The following SLC35F4 variants were observed in gnomAD, a reference collection of about 807,000 sequenced individuals.
SLC35F4 encodes chromosome 14 open reading frame 36.
In SLC35F4, 24 loss-of-function variants were observed where a neutral mutation model predicts 44.2. That is an observed-to-expected ratio of 0.54 (90% confidence interval 0.39 to 0.76). The LOEUF is 0.76. SLC35F4 is among the 30% of genes least tolerant of loss of function. The pLI is 0.00. For synonymous variants in SLC35F4, 238 were observed against 223.6 expected (o/e 1.06, Z -0.57); for missense variants, 562 against 586.1 (o/e 0.96, Z 0.42).
At chr14:57,855,354 C>T (rs1178809142) in intron 1 of SLC35F4, among the ~76,000 whole-genome samples, 1 of 151,910 alleles carries the variant, frequency 6.6e-6, no homozygotes, top group African/African-American at 2.4e-5. Context: ...AAAAAACAAA[C>T]AAACCCATCA....
chr14:57,740,063 T>G (rs1189147227), intron 1 of SLC35F4, among the ~76,000 whole-genome samples: 2 of 152,180 alleles, frequency 1.3e-5, no homozygotes, highest in Non-Finnish European at 2.9e-5. Flanking sequence ...TTTCGTCATG[T>G]TGGCCGGGCT....
At chr14:57,760,514 A>C (rs2077099245) in intron 1 of SLC35F4, among the ~76,000 whole-genome samples, 1 of 152,168 alleles carries the variant, frequency 6.6e-6, no homozygotes, top group African/African-American at 2.4e-5. Flanking sequence ...TTTCCATACA[A>C]ATTTTATAAT....
chr14:57,630,312 T>A (rs1240758453), intron 1 of SLC35F4: 1 of 574,968 alleles, frequency 1.7e-6, no homozygotes, highest in African/African-American at 1.9e-5. Context: ...TGATTACAAC[T>A]ATAGAAGGTC....
At chr14:57,955,164 T>A (rs1296788328) in intron 1 of SLC35F4, among the ~76,000 whole-genome samples, 1 of 151,888 alleles carries the variant, frequency 6.6e-6, no homozygotes, top group Non-Finnish European at 1.5e-5. Context: ...ACATAATCCA[T>A]CACATAAACA....
At chr14:57,689,744 G>A (rs1353211455) in intron 1 of SLC35F4, among the ~76,000 whole-genome samples, 1 of 136,020 alleles carries the variant, frequency 7.4e-6, no homozygotes, top group Non-Finnish European at 1.6e-5. Context: ...TTGTGGGGTC[G>A]GGGGAGGGGG....
In SLC35F4 at chr14:57,893,301, C is replaced by T. The variant is rs10133937; in HGVS notation, n.282+88612G>A. The stretch of plus-strand genomic sequence containing the variant: ...TTTATCTATGGAAAAATAACAATAG[C>T]TATCATACATTAAGCATGTACTATC... On this transcript the variant is annotated intron_variant and non_coding_transcript_variant, in intron 1 of 1. Transcript: ENST00000556568. Among the ~76,000 whole-genome samples, 644 of 152,258 alleles carry T rather than the reference C, an allele frequency of 4.2e-3. 4 individuals are homozygous for T. Among genetic ancestry groups the T allele is most frequent in the African/African-American group, 0.015 (617 of 41,540 alleles).
intron 1 of SLC35F4, among the ~76,000 whole-genome samples, chr14:57,817,968 G>A (rs1882787223): frequency 6.6e-6 from 1 of 152,108 alleles, no homozygotes; most frequent in Non-Finnish European, 1.5e-5. Flanking sequence ...GAATGCACAG[G>A]TGAGAGGCAT....
At chr14:57,979,484 G>A (rs1881314957) in intron 1 of SLC35F4, among the ~76,000 whole-genome samples, 1 of 152,196 alleles carries the variant, frequency 6.6e-6, no homozygotes, top group South Asian at 2.1e-4. Flanking sequence ...CAACCTGGTA[G>A]TGCCTTGTCT....
At chr14:57,589,012 A>C (rs1412071242) in intron 3 of SLC35F4, among the ~76,000 whole-genome samples, 1 of 152,192 alleles carries the variant, frequency 6.6e-6, no homozygotes, top group Non-Finnish European at 1.5e-5. Flanking sequence ...ATGCAAAAGC[A>C]CCAGTACAGT....
rs898180936 is a variant in SLC35F4 at position 57,873,744 on chromosome 14, C to T, written n.282+108169G>A. On this transcript the variant is annotated intron_variant and non_coding_transcript_variant, in intron 1 of 1. Transcript: ENST00000556568. ...TAATATTAAAGTGAATACAAACACA[C>T]ACACACACACACATGACAAACCCTG... Among the ~76,000 whole-genome samples, 3 of 152,082 alleles carry T rather than the reference C, an allele frequency of 2.0e-5. No homozygotes were observed. In the East Asian group the frequency reaches 5.8e-4, roughly 29 times the overall value.
chr14:57,833,621 T>C (rs1341720012), intron 1 of SLC35F4, among the ~76,000 whole-genome samples: 1 of 152,162 alleles, frequency 6.6e-6, no homozygotes. Flanking sequence ...CATAAATCTA[T>C]CCACAACATC....
chr14:57,944,866 A>T (rs931233868), intron 1 of SLC35F4, among the ~76,000 whole-genome samples: 1 of 152,208 alleles, frequency 6.6e-6, no homozygotes, highest in Non-Finnish European at 1.5e-5. Context: ...TAAATGCCTG[A>T]TAATCACAAA....
intron 1 of SLC35F4, among the ~76,000 whole-genome samples, chr14:57,692,568 T>G (rs541101926): frequency 2.0e-5 from 3 of 152,276 alleles, no homozygotes; most frequent in African/African-American, 4.8e-5. Flanking sequence ...TTTCAAGAGA[T>G]TCCCTGGCAC....
intron 1 of SLC35F4, 148 bp downstream of exon 1, chr14:57,865,575 G>T: frequency 3.3e-6 from 2 of 598,190 alleles, no homozygotes; most frequent in Non-Finnish European, 5.5e-6. Context: ...CTCCCCGGGG[G>T]GTCCCCGCCG....
At chr14:57,583,689 TTCCCCTTCTC>T (rs1338206576) in intron 3 of SLC35F4, among the ~76,000 whole-genome samples, 2 of 152,146 alleles carry the variant, frequency 1.3e-5, no homozygotes, top group African/African-American at 4.8e-5. Flanking sequence ...TCCCCTTTCT[TTCCCCTTCTC>T]TCACTGCCGA....
intron 1 of SLC35F4, among the ~76,000 whole-genome samples, chr14:57,948,555 T>C (rs868465877): frequency 6.6e-6 from 1 of 152,184 alleles, no homozygotes; most frequent in Middle Eastern, 3.2e-3. Flanking sequence ...TAATCTTTGT[T>C]ATTTCTTTTC....
chr14:57,622,562 C>T (rs930448059), intron 1 of SLC35F4, among the ~76,000 whole-genome samples: 38 of 150,812 alleles, frequency 2.5e-4, no homozygotes, highest in Admixed American at 2.5e-3. Flanking sequence ...AGTAAACTAT[C>T]GCAAGAACAA....
At chr14:57,961,846 T>C (rs764107066) in intron 1 of SLC35F4, among the ~76,000 whole-genome samples, 2 of 152,218 alleles carry the variant, frequency 1.3e-5, no homozygotes, top group African/African-American at 4.8e-5. Context: ...TAAGCCCTCT[T>C]ATTATATGTC....
chr14:57,590,554 T>A (rs2070109018), intron 2 of SLC35F4, among the ~76,000 whole-genome samples: 1 of 152,190 alleles, frequency 6.6e-6, no homozygotes, highest in Middle Eastern at 3.2e-3. Flanking sequence ...TGCAGCAATT[T>A]TACAGCACAC....
Sources: gnomAD v4.1 joint callset for allele counts (sites outside exome capture counted in the v4.1 genomes callset) on GRCh38, gnomAD v4.1.1 for gene constraint, MANE v1.5 for transcripts, NCBI Gene and HGNC (gene_info 2026-07-23, HGNC 2026-07-21) for gene names.